PLCB1: variants seen among roughly 807,000 people sequenced by gnomAD.
The protein encoded by PLCB1 is 1-phosphatidylinositol 4,5-bisphosphate phosphodiesterase beta-1.
PLCB1 carries 46 observed loss-of-function variants against 161.8 expected under a neutral mutation model. That is an observed-to-expected ratio of 0.28 (90% CI 0.22 to 0.36). The LOEUF is 0.36. Among genes scored for constraint, PLCB1 ranks in the 10% least tolerant of loss-of-function variants. PLCB1 has a pLI of 1.00. For synonymous variants in PLCB1, 517 were observed against 503.7 expected, an observed-to-expected ratio of 1.03 and a Z score of -0.35; for missense variants, 1,016 against 1,472.5, an observed-to-expected ratio of 0.69 and a Z score of 5.07.
At chr20:8,770,602 A>T (rs749069919) in intron 26 of PLCB1, among the ~76,000 whole-genome samples, 2 of 152,206 alleles carry the variant, frequency 1.3e-5, no homozygotes, top group Non-Finnish European at 2.9e-5. Context: ...GACATCACTC[A>T]ACCTATGCAA....
chr20:8,824,556 T>G (rs1034286529), intron 31 of PLCB1, among the ~76,000 whole-genome samples: 11 of 151,956 alleles, frequency 7.2e-5, no homozygotes, highest in African/African-American at 2.7e-4. Flanking sequence ...GCAAGTAGCC[T>G]TAAGGGCAAA....
intron 2 of PLCB1, among the ~76,000 whole-genome samples, chr20:8,232,225 A>AAAGAG (rs145747004): frequency 1.3e-5 from 2 of 148,378 alleles, no homozygotes; most frequent in African/African-American, 5.0e-5. Flanking sequence ...CTCTTTAAAA[A>AAAGAG]AGAGAGAGAG....
intron 7 of PLCB1, among the ~76,000 whole-genome samples, chr20:8,651,104 C>T (rs1266892787): frequency 6.6e-6 from 1 of 152,078 alleles, no homozygotes; most frequent in Non-Finnish European, 1.5e-5. Context: ...TCGTGCAGAG[C>T]TCTCCTTTCA....
rs370918445 is a variant in PLCB1, at chr20:8,299,790, C to T, written c.178-71592C>T. Among the ~76,000 whole-genome samples the T allele has an allele frequency of 5.3e-5, 8 of 152,274 alleles. No individual in the cohort carries two copies. The East Asian group carries it at 5.8e-4, about 11-fold the overall frequency. ...TCTATGCAATCTATCACCACCACGT[C>T]CTGTTGATTTAATGTCCAAAATACA... On this transcript the variant is annotated intron_variant, in intron 2 of 31. Transcript: ENST00000338037.
intron 31 of PLCB1, among the ~76,000 whole-genome samples, chr20:8,810,672 G>T (rs946657790): frequency 5.9e-5 from 9 of 152,082 alleles, no homozygotes; most frequent in African/African-American, 2.2e-4. Flanking sequence ...ACTTGAAAAC[G>T]TCTGGTAGAG....
chr20:8,395,224 T>C (rs1013980549), intron 3 of PLCB1, among the ~76,000 whole-genome samples: 1 of 152,084 alleles, frequency 6.6e-6, no homozygotes, highest in Non-Finnish European at 1.5e-5. Flanking sequence ...TTGCCATAGA[T>C]AAATCTCTAC....
intron 4 of PLCB1, among the ~76,000 whole-genome samples, chr20:8,629,955 C>CTT (rs1988513031): frequency 9.5e-6 from 1 of 105,022 alleles, no homozygotes; most frequent in Non-Finnish European, 1.8e-5. Context: ...TCTTTCTTTT[C>CTT]TTTCTTTCTT....
intron 3 of PLCB1, among the ~76,000 whole-genome samples, chr20:8,457,720 A>G (rs759406613): frequency 0.14 from 11,178 of 82,044 alleles, 498 homozygotes; most frequent in Middle Eastern, 0.18. Context: ...GCGCGCACAC[A>G]CACACACACA....
chr20:8,300,304 T>G (rs1983841061), intron 2 of PLCB1, among the ~76,000 whole-genome samples: 1 of 152,212 alleles, frequency 6.6e-6, no homozygotes, highest in African/African-American at 2.4e-5. Flanking sequence ...ATCACATTTC[T>G]TAGCTTGTGA....
At chr20:8,651,495 A>G (rs1361094574) in intron 7 of PLCB1, 1 of 721,128 alleles carries the variant, frequency 1.4e-6, no homozygotes, top group Non-Finnish European at 2.6e-6. Flanking sequence ...CATTTTATAA[A>G]GCAAAATAAA....
At chr20:8,818,031 A>G (rs1985159935) in intron 31 of PLCB1, among the ~76,000 whole-genome samples, 2 of 152,250 alleles carry the variant, frequency 1.3e-5, no homozygotes, top group South Asian at 4.1e-4. Context: ...TATCAAAGAC[A>G]TGGAAAATAT....
intron 2 of PLCB1, among the ~76,000 whole-genome samples, chr20:8,241,930 A>G (rs117389602): frequency 0.026 from 3,910 of 152,102 alleles, 81 homozygotes; most frequent in Non-Finnish European, 0.038. Context: ...AGATGAAGAC[A>G]GGCATGGTAC....
chr20:8,600,904 A>G, intron 3 of PLCB1: 1 of 152,812 alleles, frequency 6.5e-6, no homozygotes, highest in Non-Finnish European at 1.5e-5. Context: ...TCAGAAAGGG[A>G]ACTCCCTGAC....
chr20:8,653,018 A>G (rs1188152774), intron 7 of PLCB1: 1 of 152,126 alleles, frequency 6.6e-6, no homozygotes, highest in East Asian at 1.9e-4. Context: ...CTGAGAACTG[A>G]AAATAGTTTA....
chr20:8,733,505 T>C, intron 19 of PLCB1, 113 bp downstream of exon 19: 1 of 923,438 alleles, frequency 1.1e-6, no homozygotes. Flanking sequence ...GATTCTACTT[T>C]CTTCCTACAT....
intron 12 of PLCB1, among the ~76,000 whole-genome samples, chr20:8,710,328 A>G (rs1978929473): frequency 6.6e-6 from 1 of 152,054 alleles, no homozygotes; most frequent in Non-Finnish European, 1.5e-5. Flanking sequence ...ACCAAGGGGA[A>G]TGGTGTTACA....
intron 1 of PLCB1, among the ~76,000 whole-genome samples, chr20:8,136,531 C>G (rs1474735797): frequency 7.9e-5 from 12 of 151,106 alleles, no homozygotes; most frequent in African/African-American, 2.9e-4. Context: ...GAGGCTGAGG[C>G]AGGAGAATGG....
At chr20:8,761,976 A>AGGGTGG (rs1555788723) in intron 25 of PLCB1, among the ~76,000 whole-genome samples, 2 of 146,372 alleles carry the variant, frequency 1.4e-5, no homozygotes, top group African/African-American at 5.0e-5. Flanking sequence ...GGGGAGGCCA[A>AGGGTGG]GGGGGGGGCG....
chr20:8,142,523 G>A (rs759345195), intron 1 of PLCB1, among the ~76,000 whole-genome samples: 6 of 152,182 alleles, frequency 3.9e-5, no homozygotes, highest in Non-Finnish European at 7.3e-5. Flanking sequence ...TTCAATATTG[G>A]TTGAAGGTGA....
Sources: gnomAD v4.1 joint callset for allele counts (sites outside exome capture counted in the v4.1 genomes callset) on GRCh38, gnomAD v4.1.1 for gene constraint, MANE v1.5 for transcripts, NCBI Gene and HGNC (gene_info 2026-07-23, HGNC 2026-07-21) for gene names.